ARL6: variants seen among roughly 807,000 people sequenced by gnomAD.
ARL6 encodes the protein ARF like GTPase 6.
A neutral mutation model predicts 27.1 loss-of-function variants in ARL6; 18 were observed. That is an observed-to-expected ratio of 0.66 (90% CI 0.46 to 0.98). The LOEUF (loss-of-function observed/expected upper bound fraction) is 0.98. ARL6 is among the 50% of genes least tolerant of loss of function. The probability of loss-of-function intolerance (pLI) is 0.00; values close to 1 mark genes in which losing one functional copy is unlikely to be tolerated. For synonymous variants in ARL6, 65 were observed against 72.3 expected (o/e 0.90, Z 0.51); for missense variants, 187 against 214.9 (o/e 0.87, Z 0.81).
rs541738246 is a variant in ARL6, at chr3:97,798,103, A to G, written c.*54A>G. The G allele has an allele frequency of 1.0e-5, 16 of 1,536,886 alleles. No individual in the cohort carries two copies. Among genetic ancestry groups the G allele is most frequent in the South Asian group, 1.0e-4 (9 of 88,560 alleles). On this transcript the variant is annotated 3_prime_UTR_variant, in exon 8 of 8. Transcript: ENST00000463745. The stretch of plus-strand genomic sequence containing the variant: ...TTTCAATTCAAGGAATCTATCTAAG[A>G]CAAATAGAATACATTTTGTAAAAGA...
chr3:97,795,706 T>C (rs2037968223), intron 7 of ARL6, among the ~76,000 whole-genome samples: 1 of 152,046 alleles, frequency 6.6e-6, no homozygotes, highest in Non-Finnish European at 1.5e-5. Context: ...TTGGTGGAAA[T>C]TGAAAATAAG....
intron 2 of ARL6, among the ~76,000 whole-genome samples, 173 bp downstream of exon 2, chr3:97,768,403 A>G (rs542236217): frequency 1.3e-5 from 2 of 152,224 alleles, no homozygotes; most frequent in South Asian, 4.1e-4. Flanking sequence ...TACACAGTAA[A>G]TTTTAATTAT....
chr3:97,776,180 C>A (rs2036889857), intron 2 of ARL6, among the ~76,000 whole-genome samples: 1 of 152,148 alleles, frequency 6.6e-6, no homozygotes, highest in Non-Finnish European at 1.5e-5. Context: ...CCTTTTTCCT[C>A]ATATAGTGAT....
intron 4 of ARL6, 46 bp downstream of exon 4, chr3:97,780,729 T>C (rs1482473088): frequency 1.4e-6 from 2 of 1,410,468 alleles, no homozygotes; most frequent in African/African-American, 1.4e-5. Context: ...TTTTTACTAA[T>C]AATAATGATT....
intron 7 of ARL6, among the ~76,000 whole-genome samples, chr3:97,796,854 A>C (rs946025428): frequency 2.6e-5 from 4 of 152,202 alleles, no homozygotes; most frequent in Admixed American, 6.5e-5. Flanking sequence ...TTATATACTC[A>C]GGCAGTATCA....
At chr3:97,767,026 A>G (rs1278036401) in intron 1 of ARL6, among the ~76,000 whole-genome samples, 1 of 152,162 alleles carries the variant, frequency 6.6e-6, no homozygotes, top group Non-Finnish European at 1.5e-5. Flanking sequence ...AGATGAATAT[A>G]AACAGCCATA....
At chr3:97,777,687 A>G (rs2036978005) in intron 2 of ARL6, among the ~76,000 whole-genome samples, 1 of 152,162 alleles carries the variant, frequency 6.6e-6, no homozygotes, top group Admixed American at 6.5e-5. Flanking sequence ...GAATAACCAA[A>G]TGTATTTGTT....
chr3:97,770,364 A>AT (rs1004399312), intron 2 of ARL6, among the ~76,000 whole-genome samples: 2 of 151,582 alleles, frequency 1.3e-5, no homozygotes, highest in African/African-American at 2.4e-5. Context: ...TCTTTTACCC[A>AT]TTTTTTTAGT....
At chr3:97,765,361 T>C (rs2036331992) in intron 1 of ARL6, among the ~76,000 whole-genome samples, 1 of 152,166 alleles carries the variant, frequency 6.6e-6, no homozygotes, top group African/African-American at 2.4e-5. Context: ...CAGAGTTTAC[T>C]AAGTATCATT....
Position 97,780,680 on chromosome 3 carries a change from A to T in ARL6, c.251A>T (p.Tyr84Phe), listed in dbSNP as rs2037149017. Residue 84 changes from tyrosine to phenylalanine, a missense_variant, in exon 4 of 8, where the codon TAT becomes TTT. Coordinates refer to ENST00000463745, the MANE Select transcript of ARL6 (RefSeq NM_001278293.3). ...GRYRNLWEHY[Y>F]KEGQAIIFVI... The stretch of plus-strand genomic sequence containing the variant: ...TACAGAAATCTCTGGGAACACTATT[A>T]TAAGTAAGTACATCTGTGAATGTTG... 6.2e-7 allele frequency: 1 copy of T among 1,606,354 alleles called. No individual in the cohort carries two copies. Among genetic ancestry groups the T allele is most frequent in the Non-Finnish European group, 8.5e-7 (1 of 1,173,122 alleles).
At chr3:97,765,908 T>A (rs2036356132) in intron 1 of ARL6, 1 of 152,218 alleles carries the variant, frequency 6.6e-6, no homozygotes, top group Non-Finnish European at 1.5e-5. Context: ...AGGAAAATTA[T>A]AACTACTTGA....
intron 1 of ARL6, among the ~76,000 whole-genome samples, chr3:97,766,309 T>C (rs1277746339): frequency 6.6e-6 from 1 of 152,234 alleles, no homozygotes; most frequent in Non-Finnish European, 1.5e-5. Flanking sequence ...TATGTGTGAA[T>C]TGCTTCATGA....
At chr3:97,794,843 T>C (rs1043954429) in intron 7 of ARL6, among the ~76,000 whole-genome samples, 10 of 152,094 alleles carry the variant, frequency 6.6e-5, no homozygotes, top group African/African-American at 2.2e-4. Flanking sequence ...CCCAGCACTT[T>C]GGGAGGTTGA....
chr3:97,769,433 A>G (rs1576428861), intron 2 of ARL6, among the ~76,000 whole-genome samples: 1 of 152,016 alleles, frequency 6.6e-6, no homozygotes, highest in African/African-American at 2.4e-5. Flanking sequence ...TATTGATACA[A>G]ATTTAGGGGT....
intron 5 of ARL6, among the ~76,000 whole-genome samples, chr3:97,785,830 A>T (rs902457021): frequency 6.6e-6 from 1 of 152,118 alleles, no homozygotes; most frequent in Non-Finnish European, 1.5e-5. Context: ...ATGCCAAAAA[A>T]ATTTAAATAG....
At chr3:97,772,678 A>G (rs1464250320) in intron 2 of ARL6, among the ~76,000 whole-genome samples, 2 of 147,670 alleles carry the variant, frequency 1.4e-5, no homozygotes, top group Non-Finnish European at 1.5e-5. Flanking sequence ...CTGGAGTGCA[A>G]TGGTGTGATC....
intron 6 of ARL6, chr3:97,791,085 A>C (rs554454730): frequency 6.6e-6 from 1 of 152,260 alleles, no homozygotes; most frequent in East Asian, 1.9e-4. Flanking sequence ...ATAACAATTT[A>C]AGTTTAGTCT....
At chr3:97,791,107 A>G (rs1037855599) in intron 6 of ARL6, 2 of 152,154 alleles carry the variant, frequency 1.3e-5, no homozygotes, top group Admixed American at 6.5e-5. Context: ...TCAAGAATGG[A>G]AAGACAATGG....
intron 2 of ARL6, among the ~76,000 whole-genome samples, chr3:97,769,464 A>C (rs1347294318): frequency 6.6e-6 from 1 of 152,058 alleles, no homozygotes; most frequent in Non-Finnish European, 1.5e-5. Flanking sequence ...AGTTTGATAC[A>C]TGCATACAAT....
Sources: allele counts gnomAD v4.1 joint callset (sites outside exome capture counted in the v4.1 genomes callset), GRCh38; gene constraint gnomAD v4.1.1; transcripts MANE v1.5; gene names NCBI Gene and HGNC (gene_info 2026-07-23, HGNC 2026-07-21).